PRKACA: variants seen among roughly 807,000 people sequenced by gnomAD.
PRKACA encodes the protein cAMP-dependent protein kinase catalytic subunit alpha.
In PRKACA, 9 loss-of-function variants were observed where a neutral mutation model predicts 45.8. That is an observed-to-expected ratio of 0.20 (90% CI 0.12 to 0.34). PRKACA has a LOEUF of 0.34. PRKACA is among the 10% of genes least tolerant of loss of function. The pLI is 1.00. For synonymous variants in PRKACA, 160 were observed against 178.6 expected (o/e 0.90, Z 0.83); for missense variants, 238 against 458.6 (o/e 0.52, Z 4.39).
In PRKACA at chr19:14,093,213, A is replaced by G. The variant is rs149832080; in HGVS notation, c.955T>C (p.Phe319Leu). ...TTACTCGTATCCCCAGGGCCTTTAA[A>G]CTTTGGTATGAAGGGAGCTTCCACC... The part of the protein sequence containing the change: ...RKVEAPFIPK[F>L]KGPGDTSNFD... Residue 319 changes from phenylalanine (F) to leucine (L), a missense_variant, in exon 10 of 10, where the codon TTT (phenylalanine) becomes CTT (leucine). Physicochemically the swap from Phe to Leu is conservative, Grantham distance 22 (BLOSUM62 0). This residue lies in a region of PRKACA where 51 missense variants were observed against 68.6 expected (regional missense o/e 0.74). Coordinates refer to ENST00000308677, the MANE Select transcript of PRKACA (RefSeq NM_002730.4). 6.2e-7 allele frequency: 1 copy of G among 1,613,890 alleles called. No homozygotes were observed. Among genetic ancestry groups the G allele is most frequent in the Non-Finnish European group, 8.5e-7 (1 of 1,179,916 alleles).
At chr19:14,102,230 T>C (rs1447885109) in intron 4 of PRKACA, among the ~76,000 whole-genome samples, 2 of 151,942 alleles carry the variant, frequency 1.3e-5, no homozygotes, top group Non-Finnish European at 2.9e-5. Context: ...AGGTGTGGGG[T>C]CCCTCGGAGA....
intron 1 of PRKACA, chr19:14,114,122 A>ACT: frequency 6.2e-7 from 1 of 1,609,974 alleles, no homozygotes; most frequent in African/African-American, 1.3e-5. Context: ...TAGTAACAGG[A>ACT]CTCAGCCTCA....
chr19:14,109,375 G>T (rs2093978320), intron 1 of PRKACA, among the ~76,000 whole-genome samples: 1 of 151,848 alleles, frequency 6.6e-6, no homozygotes, highest in South Asian at 2.1e-4. Context: ...TTCGACCCGG[G>T]AGGCAGAAGT....
chr19:14,099,137 C>G (rs1977363711), intron 5 of PRKACA, among the ~76,000 whole-genome samples: 1 of 151,872 alleles, frequency 6.6e-6, no homozygotes, highest in Admixed American at 6.6e-5. Flanking sequence ...ACTAAAAATA[C>G]AAAAATTAGC....
At chr19:14,098,685 G>A (rs1351351240) in intron 5 of PRKACA, among the ~76,000 whole-genome samples, 2 of 151,110 alleles carry the variant, frequency 1.3e-5, no homozygotes, top group Admixed American at 6.6e-5. Flanking sequence ...TAGTAGAGAC[G>A]GGGTTTCACC....
In PRKACA at chr19:14,102,871, C is replaced by A; in HGVS notation, c.281G>T (p.Arg94Leu). The A allele has an allele frequency of 6.2e-7, 1 of 1,614,130 alleles. No homozygotes were observed. The highest frequency in any genetic ancestry group is 8.5e-7 in the Non-Finnish European group (1 of 1,180,030). ...KQIEHTLNEK[R>L]ILQAVNFPFL... ...CGGAAAGTTGACAGCTTGCAGGATG[C>A]GCTTTTCATTCAGGGTGTGTTCGAT... The change falls in exon 4 of 10, where the codon CGC (arginine) becomes CTC (leucine). Residue 94 changes from arginine to leucine, a missense_variant. Physicochemically the swap from Arg to Leu is moderately radical, Grantham distance 102. Around this residue, in one of 3 missense-constraint regions of PRKACA, gnomAD observed 93 missense variants for 149.1 expected, o/e 0.62. Coordinates refer to ENST00000308677, the MANE Select transcript of PRKACA (RefSeq NM_002730.4).
rs2038670144 is a variant in PRKACA at position 14,092,929 on chromosome 19, G to T, written c.*183C>A. ...GTGAAGGGGATGAGGGGGAGCAGCT[G>T]GTGTTTCTGTCCCTCTGATTATCTG... is the stretch of plus-strand genomic sequence containing the variant. On this transcript the variant is annotated 3_prime_UTR_variant, in exon 10 of 10. Coordinates refer to ENST00000308677, the MANE Select transcript of PRKACA (RefSeq NM_002730.4). 1.4e-6 allele frequency: 1 copy of T among 693,054 alleles called. No individual in the cohort carries two copies. The highest frequency in any genetic ancestry group is 2.3e-6 in the Non-Finnish European group (1 of 438,488). 42.9% of individuals were successfully genotyped at this position (693,054 alleles called of 1,614,324 possible).
intron 4 of PRKACA, 91 bp downstream of exon 4, chr19:14,102,725 C>G: frequency 9.2e-7 from 1 of 1,081,174 alleles, no homozygotes; most frequent in South Asian, 1.3e-5. Context: ...AGAGCAGCCA[C>G]TGATTGTCCT....
chr19:14,101,159 C>T, intron 4 of PRKACA: 1 of 452,550 alleles, frequency 2.2e-6, no homozygotes. Flanking sequence ...GTACCTTGCT[C>T]TGGGAGCTTG....
chr19:14,113,915 C>T (rs1470188725), intron 1 of PRKACA, among the ~76,000 whole-genome samples: 1 of 152,164 alleles, frequency 6.6e-6, no homozygotes, highest in Non-Finnish European at 1.5e-5. Context: ...GGCCCCCTGC[C>T]GGGTGGACCA....
At chr19:14,111,085 G>A (rs1048175444) in intron 1 of PRKACA, among the ~76,000 whole-genome samples, 1 of 152,240 alleles carries the variant, frequency 6.6e-6, no homozygotes, top group Non-Finnish European at 1.5e-5. Context: ...AGAGAGAAGA[G>A]CCCTCATGGA....
chr19:14,098,076 T>A, intron 5 of PRKACA, 186 bp from the exon 6 acceptor site: 2 of 655,616 alleles, frequency 3.1e-6, no homozygotes, highest in Non-Finnish European at 5.1e-6. Flanking sequence ...GAAAATGGAA[T>A]CACAGACTGA....
chr19:14,100,144 AT>A (rs113686943), intron 5 of PRKACA, among the ~76,000 whole-genome samples: 7,011 of 146,950 alleles, frequency 0.048, 578 homozygotes, highest in African/African-American at 0.16. Context: ...CGCCCAGCCA[AT>A]TTTTTTTTTT....
intron 3 of PRKACA, among the ~76,000 whole-genome samples, chr19:14,104,336 CAAA>C (rs769115807): frequency 2.1e-5 from 1 of 48,220 alleles, no homozygotes; most frequent in Admixed American, 2.3e-4. Context: ...GACTCCGTCT[CAAA>C]AAAAAAAAAA....
chr19:14,093,037 ATCCAACCC>A lies in PRKACA; in HGVS notation c.*67_*74del. 1 of 716,486 alleles carries A rather than the reference ATCCAACCC, an allele frequency of 1.4e-6. No individual in the cohort carries two copies. The highest frequency in any genetic ancestry group is 2.3e-6 in the Non-Finnish European group (1 of 440,968). The allele number at this position is 716,486 out of a possible 1,614,324, so 44.4% of individuals were successfully genotyped here. On this transcript the variant is annotated 3_prime_UTR_variant, in exon 10 of 10. Transcript: ENST00000308677. ...AACTCTGGGGCCCTCTGGCTGTTCAATCCAACCCTCCCACCCCCCCGACCAAAAAAAAG... is the reference window on the plus strand; with the variant it reads ...AACTCTGGGGCCCTCTGGCTGTTCAATCCCACCCCCCCGACCAAAAAAAAG...
chr19:14,108,404 CTGATTGAT>C (rs34084658), intron 1 of PRKACA: 8 of 152,294 alleles, frequency 5.3e-5, no homozygotes, highest in African/African-American at 1.9e-4. Flanking sequence ...TATCTATTGA[CTGATTGAT>C]TGATTGATTG....
chr19:14,093,945 C>T (rs1977170992), intron 8 of PRKACA, among the ~76,000 whole-genome samples, 153 bp from the exon 9 acceptor site: 1 of 152,124 alleles, frequency 6.6e-6, no homozygotes, highest in Admixed American at 6.6e-5. Context: ...TGAGCCTACC[C>T]TACAGTTTCC....
intron 1 of PRKACA, among the ~76,000 whole-genome samples, chr19:14,116,400 G>A (rs1001856801): frequency 5.3e-5 from 8 of 152,172 alleles, no homozygotes; most frequent in Non-Finnish European, 1.2e-4. Context: ...AGAATCACTA[G>A]ACGTCAAAGC....
At chr19:14,114,987 A>ACTGCCC (rs41296248) in intron 1 of PRKACA, among the ~76,000 whole-genome samples, 4 of 152,270 alleles carry the variant, frequency 2.6e-5, no homozygotes, top group South Asian at 4.1e-4. Context: ...TGGCCTGGCT[A>ACTGCCC]CTGCCCCTGC....
Sources: gnomAD v4.1 joint callset for allele counts (sites outside exome capture counted in the v4.1 genomes callset) on GRCh38, gnomAD v4.1.1 for gene constraint, gnomAD v4.1.1 regional missense constraint, MANE v1.5 for transcripts, NCBI Gene and HGNC (gene_info 2026-07-23, HGNC 2026-07-21) for gene names.